Variants in SNX29 observed in about 807,000 individuals in gnomAD.
SNX29 encodes sorting nexin 29.
Under a neutral mutation model 102.1 loss-of-function variants are expected in SNX29, and 78 were observed. That is an observed-to-expected ratio of 0.76 (90% CI 0.64 to 0.92). SNX29 has a LOEUF of 0.92. Ranked by LOEUF, SNX29 falls within the 40% of genes least tolerant of loss-of-function variation. The pLI is 0.00. For synonymous variants in SNX29, 580 were observed against 414.5 expected (o/e 1.40, Z -4.85); for missense variants, 1,280 against 1,061.7 (o/e 1.21, Z -2.86).
intron 15 of SNX29, among the ~76,000 whole-genome samples, chr16:12,306,413 C>T (rs1435787047): frequency 1.3e-5 from 2 of 151,764 alleles, no homozygotes; most frequent in Non-Finnish European, 2.9e-5. Context: ...AGAACAATGT[C>T]CTCCAGTATA....
chr16:12,086,474 A>G (rs1478569416), intron 11 of SNX29, among the ~76,000 whole-genome samples: 2 of 151,670 alleles, frequency 1.3e-5, no homozygotes, highest in Admixed American at 6.6e-5. Context: ...GCAGTGGTGC[A>G]TTCCTGGCTT....
chr16:12,515,550 G>T, intron 19 of SNX29: 1 of 492,404 alleles, frequency 2.0e-6, no homozygotes, highest in South Asian at 1.5e-5. Context: ...CAGCATCCTT[G>T]CTGGCCTCTC....
At chr16:12,399,664 A>T (rs900831589) in intron 17 of SNX29, among the ~76,000 whole-genome samples, 5 of 151,942 alleles carry the variant, frequency 3.3e-5, no homozygotes, top group African/African-American at 1.2e-4. Flanking sequence ...TGTGGTGGCG[A>T]TGAGTGAGAT....
intron 15 of SNX29, among the ~76,000 whole-genome samples, chr16:12,300,001 G>A (rs888777572): frequency 1.3e-5 from 2 of 152,124 alleles, no homozygotes; most frequent in Non-Finnish European, 2.9e-5. Flanking sequence ...CTCCTGAGTA[G>A]CTGGGACCAC....
chr16:11,988,248 C>G (rs1024210275), intron 1 of SNX29, among the ~76,000 whole-genome samples: 2 of 146,640 alleles, frequency 1.4e-5, no homozygotes, highest in Non-Finnish European at 3.0e-5. Flanking sequence ...GAGCCAAGAT[C>G]ATGCCACTGC....
At chr16:12,539,228 A>G (rs978896770) in intron 20 of SNX29, among the ~76,000 whole-genome samples, 4 of 152,324 alleles carry the variant, frequency 2.6e-5, no homozygotes, top group African/African-American at 9.6e-5. Context: ...GATATAGACC[A>G]GTTCCTTCAC....
At chr16:12,302,400 T>C (rs2080203796) in intron 15 of SNX29, among the ~76,000 whole-genome samples, 1 of 152,250 alleles carries the variant, frequency 6.6e-6, no homozygotes, top group African/African-American at 2.4e-5. Context: ...GTTCAGGCTA[T>C]TTTAACAAAA....
intron 14 of SNX29, among the ~76,000 whole-genome samples, chr16:12,270,018 G>A (rs1346551555): frequency 2.6e-5 from 4 of 151,930 alleles, no homozygotes; most frequent in Admixed American, 6.6e-5. Flanking sequence ...GCACCACCAC[G>A]CCCAGCTAAT....
intron 14 of SNX29, among the ~76,000 whole-genome samples, chr16:12,226,533 T>A (rs1196059004): frequency 4.6e-5 from 7 of 150,864 alleles, no homozygotes; most frequent in Non-Finnish European, 7.4e-5. Context: ...AGAAAGAGGG[T>A]TTGGGTTTCC....
chr16:12,555,097 A>T (rs1027598563), intron 20 of SNX29, among the ~76,000 whole-genome samples: 1 of 147,558 alleles, frequency 6.8e-6, no homozygotes, highest in Non-Finnish European at 1.5e-5. Flanking sequence ...TGAAAGGGCC[A>T]ATCAGGGACA....
intron 20 of SNX29, among the ~76,000 whole-genome samples, chr16:12,562,156 T>G (rs1279576260): frequency 6.6e-6 from 1 of 152,130 alleles, no homozygotes; most frequent in African/African-American, 2.4e-5. Context: ...ACCAGGTCTG[T>G]GGAGTAAGAT....
intron 18 of SNX29, among the ~76,000 whole-genome samples, chr16:12,476,986 G>T (rs1329548985): frequency 1.3e-5 from 2 of 152,102 alleles, no homozygotes; most frequent in Non-Finnish European, 2.9e-5. Flanking sequence ...ATTTTAAAAA[G>T]TGGATTGATG....
chr16:12,154,174 C>T (rs1453864063), intron 13 of SNX29, among the ~76,000 whole-genome samples: 1 of 152,054 alleles, frequency 6.6e-6, no homozygotes, highest in African/African-American at 2.4e-5. Context: ...CCCTTTCTTC[C>T]TTAAGGGAAT....
intron 13 of SNX29, among the ~76,000 whole-genome samples, chr16:12,170,784 A>T (rs376819245): frequency 7.4e-4 from 102 of 137,692 alleles, no homozygotes; most frequent in African/African-American, 2.8e-3. Context: ...TGTGTGTGTG[A>T]GAGTGAGAGC....
chr16:12,243,295 A>G lies in SNX29; in HGVS notation c.1679-34638A>G, dbSNP rs2078167010. ...ATGTGCTCCAGGTGACCAAAGTCTG[A>G]CCCCCTAGCCTGGACAGGTTTCCTG... is the stretch of plus-strand genomic sequence containing the variant. On this transcript the variant is annotated intron_variant, in intron 14 of 20. Coordinates refer to ENST00000566228, the MANE Select transcript of SNX29 (RefSeq NM_032167.5). Among the ~76,000 whole-genome samples, 4 of 151,924 alleles carry G rather than the reference A, an allele frequency of 2.6e-5. No homozygotes were observed. The East Asian group carries it at 7.7e-4, about 29-fold the overall frequency.
At chr16:12,552,594 T>A (rs2078049966) in intron 20 of SNX29, among the ~76,000 whole-genome samples, 1 of 152,098 alleles carries the variant, frequency 6.6e-6, no homozygotes, top group Admixed American at 6.5e-5. Context: ...GAGTTTATAT[T>A]CTCATGGGGA....
chr16:12,078,342 G>T lies in SNX29; in HGVS notation c.1320-491G>T, dbSNP rs192593386. On this transcript the variant is annotated intron_variant, in intron 10 of 20. Transcript: ENST00000566228. ...ATACAAGAATTAGTCGGGTGTGGTG[G>T]TGCGGGCCTGTAATCCCAGCTACTT... Among the ~76,000 whole-genome samples, 10 of 152,212 alleles carry T rather than the reference G, an allele frequency of 6.6e-5. No individual in the cohort carries two copies. In the East Asian group the frequency reaches 1.9e-3, roughly 29 times the overall value.
chr16:12,452,853 G>C (rs1312345849), intron 18 of SNX29, among the ~76,000 whole-genome samples: 1 of 152,114 alleles, frequency 6.6e-6, no homozygotes, highest in Non-Finnish European at 1.5e-5. Flanking sequence ...TGTTCAAGTT[G>C]GGTTTTAAAA....
At chr16:12,526,264 G>T (rs1305679334) in intron 20 of SNX29, among the ~76,000 whole-genome samples, 1 of 152,152 alleles carries the variant, frequency 6.6e-6, no homozygotes, top group Non-Finnish European at 1.5e-5. Flanking sequence ...GCTCCCCTCT[G>T]TGGGGTGCAC....
Sources: gnomAD v4.1 joint callset for allele counts (sites outside exome capture counted in the v4.1 genomes callset) on GRCh38, gnomAD v4.1.1 for gene constraint, MANE v1.5 for transcripts, NCBI Gene and HGNC (gene_info 2026-07-23, HGNC 2026-07-21) for gene names.